The following COL15A1 variants were observed in gnomAD, a reference collection of about 807,000 sequenced individuals.
COL15A1 encodes collagen type XV alpha 1 chain.
A neutral mutation model predicts 165.9 loss-of-function variants in COL15A1; 111 were observed. The observed-to-expected ratio is 0.67, with a 90% CI of 0.57 to 0.78. The LOEUF (loss-of-function observed/expected upper bound fraction) is 0.78. Among genes scored for constraint, COL15A1 ranks in the 30% least tolerant of loss-of-function variants. The pLI is 0.00. For missense variants in COL15A1, 1,745 were observed against 1,789.7 expected (o/e 0.98, Z 0.45); for synonymous variants, 659 against 674.8 (o/e 0.98, Z 0.36).
In COL15A1 at chr9:99,024,277, G is replaced by GTTTT. The variant is rs773196929; in HGVS notation, c.1855-593_1855-590dup. On this transcript the variant is annotated intron_variant, in intron 14 of 41. Transcript: ENST00000375001. ...GGCTACACCACAAGCAGTTTTTTTTGTTTTTTTGTTTTTTTTTTTTTGAGA... is the reference window on the plus strand; with the variant it reads ...GGCTACACCACAAGCAGTTTTTTTTGTTTTTTTTTTTGTTTTTTTTTTTTTGAGA... Among the ~76,000 whole-genome samples the GTTTT allele has an allele frequency of 6.4e-3, 690 of 108,542 alleles. 50 individuals carry two copies. The highest frequency in any genetic ancestry group is 0.024 in the African/African-American group (635 of 26,988). The allele number at this position is 108,542 out of a possible 152,430, so 71.2% of individuals were successfully genotyped here.
intron 21 of COL15A1, among the ~76,000 whole-genome samples, chr9:99,036,980 G>C (rs1051345423): frequency 5.9e-5 from 9 of 152,220 alleles, no homozygotes; most frequent in African/African-American, 1.9e-4. Context: ...GGGGGTACAG[G>C]AGCCAAGAGA....
chr9:98,977,040 C>A (rs535248023), intron 2 of COL15A1, among the ~76,000 whole-genome samples: 1 of 152,226 alleles, frequency 6.6e-6, no homozygotes, highest in African/African-American at 2.4e-5. Flanking sequence ...ATGACAATTG[C>A]ATGGGAAATA....
Position 99,047,963 on chromosome 9 carries a change from T to A in COL15A1, c.2756T>A (p.Leu919His). Residue 919 changes from leucine (L) to histidine (H), a missense_variant, in exon 28 of 42, where the codon CTC becomes CAC. By Grantham distance (99) the Leu-to-His change is moderately conservative. Transcript: ENST00000375001. ...CAGGGTCGCCCAGGACTGAATGGCC[T>A]CAAGGGTACCAAAGGAGATCCAGGG... The part of the protein sequence containing the change: ...GRPGRPGLNG[L>H]KGTKGDPGVI... 2 of 1,605,864 alleles carry A rather than the reference T, an allele frequency of 1.2e-6. No individual in the cohort carries two copies. The highest frequency in any genetic ancestry group is 1.7e-6 in the Non-Finnish European group (2 of 1,174,336).
rs1230592568 is a variant in COL15A1, at chr9:99,004,806, C to T, written c.1201-92C>T. 77 of 1,461,838 alleles carry T rather than the reference C, an allele frequency of 5.3e-5. No homozygotes were observed. In the East Asian group the frequency reaches 1.7e-3, roughly 32 times the overall value. 90.6% of individuals were successfully genotyped at this position (1,461,838 alleles called of 1,614,324 possible). On this transcript the variant is annotated intron_variant, in intron 8 of 41. Transcript: ENST00000375001. ...GAAGTGAGGTCTTGGTGTGCAGGTG[C>T]TTTGAGGGGCCCTGGCCTTCTGTTC... is the stretch of plus-strand genomic sequence containing the variant.
At chr9:98,948,754 T>C (rs1165851549) in intron 2 of COL15A1, among the ~76,000 whole-genome samples, 1 of 152,208 alleles carries the variant, frequency 6.6e-6, no homozygotes, top group African/African-American at 2.4e-5. Flanking sequence ...TTTTAGAAGA[T>C]AAGGGGGCTA....
intron 2 of COL15A1, among the ~76,000 whole-genome samples, chr9:98,954,889 C>T: frequency 6.6e-6 from 1 of 152,190 alleles, no homozygotes. Context: ...TGGCCTTACT[C>T]AAAAGAGCTG....
intron 9 of COL15A1, 137 bp downstream of exon 9, chr9:99,005,187 G>A: frequency 2.1e-6 from 2 of 938,666 alleles, no homozygotes. Flanking sequence ...TCACTTGGGG[G>A]TGGAGTTTGC....
At chr9:98,991,358 C>T (rs1224225821) in intron 5 of COL15A1, among the ~76,000 whole-genome samples, 1 of 152,162 alleles carries the variant, frequency 6.6e-6, no homozygotes, top group African/African-American at 2.4e-5. Flanking sequence ...GCTGATTGGT[C>T]CATTTTGACA....
intron 5 of COL15A1, among the ~76,000 whole-genome samples, chr9:98,990,915 T>C (rs1344570446): frequency 6.6e-6 from 1 of 152,154 alleles, no homozygotes; most frequent in African/African-American, 2.4e-5. Context: ...GTTTGTTCCT[T>C]CTGATATTTG....
intron 16 of COL15A1, among the ~76,000 whole-genome samples, chr9:99,028,523 A>C (rs1839165935): frequency 6.6e-6 from 1 of 151,978 alleles, no homozygotes; most frequent in South Asian, 2.1e-4. Flanking sequence ...CAGTGGCACA[A>C]ACCTGTAATC....
chr9:99,059,618 A>G (rs905216790), intron 35 of COL15A1, among the ~76,000 whole-genome samples: 1 of 152,232 alleles, frequency 6.6e-6, no homozygotes, highest in Admixed American at 6.5e-5. Context: ...TAAAACAACC[A>G]CAAAAGGAAT....
At position 99,034,586 on chromosome 9, in the gene COL15A1, T is replaced by TAAAAAAA. The variant is rs60290557; in HGVS notation, c.2079+24_2079+30dup. On this transcript the variant is annotated splice_region_variant and intron_variant, in intron 17 of 41. Coordinates refer to ENST00000375001, the MANE Select transcript of COL15A1 (RefSeq NM_001855.5). ...CCTAATGGCTCAGTTGGTGAAAAGG[T>TAAAAAAA]AAAAAAAAAAAAAAAAAAAAAAAAA... 1.4e-4 allele frequency: 148 copies of TAAAAAAA among 1,074,736 alleles called. No homozygotes were observed. The highest frequency in any genetic ancestry group is 5.9e-4 in the Admixed American group (11 of 18,800). 66.6% of individuals were successfully genotyped at this position (1,074,736 alleles called of 1,614,324 possible). A position where few individuals can be genotyped will look rare whatever the true frequency, so the allele number is the denominator to read the frequency against.
At chr9:99,029,743 G>C (rs984566796) in intron 16 of COL15A1, among the ~76,000 whole-genome samples, 2 of 152,044 alleles carry the variant, frequency 1.3e-5, no homozygotes, top group Non-Finnish European at 2.9e-5. Context: ...GGTCAACATG[G>C]CGAAACCCCA....
intron 2 of COL15A1, among the ~76,000 whole-genome samples, chr9:98,966,482 G>A (rs773490722): frequency 6.6e-6 from 1 of 152,212 alleles, no homozygotes; most frequent in African/African-American, 2.4e-5. Flanking sequence ...ACCCGGATAG[G>A]CCATGAGCAG....
chr9:99,015,038 T>A (rs922768991), intron 9 of COL15A1, among the ~76,000 whole-genome samples: 5 of 152,198 alleles, frequency 3.3e-5, no homozygotes, highest in Admixed American at 1.3e-4. Flanking sequence ...AGCTTTTTTT[T>A]ATCTTAGTAG....
intron 2 of COL15A1, among the ~76,000 whole-genome samples, chr9:98,957,939 A>C (rs543992852): frequency 6.6e-6 from 1 of 152,026 alleles, no homozygotes; most frequent in Admixed American, 6.5e-5. Context: ...GCACCATCAC[A>C]CCTGGCTGGG....
intron 12 of COL15A1, among the ~76,000 whole-genome samples, chr9:99,021,443 A>G (rs1248124983): frequency 6.6e-6 from 1 of 152,150 alleles, no homozygotes; most frequent in Non-Finnish European, 1.5e-5. Flanking sequence ...GGATCTGGCC[A>G]TCCTGTCACC....
intron 2 of COL15A1, among the ~76,000 whole-genome samples, chr9:98,952,820 T>C (rs1837713015): frequency 6.6e-6 from 1 of 152,250 alleles, no homozygotes; most frequent in Non-Finnish European, 1.5e-5. Flanking sequence ...TATCATATAA[T>C]ATTTTTTCTT....
intron 2 of COL15A1, among the ~76,000 whole-genome samples, chr9:98,963,737 C>T (rs1405732580): frequency 2.6e-5 from 4 of 152,074 alleles, no homozygotes; most frequent in Non-Finnish European, 4.4e-5. Context: ...GTATAGGAGT[C>T]CTACCTCCTG....
Sources: allele counts gnomAD v4.1 joint callset (sites outside exome capture counted in the v4.1 genomes callset), GRCh38; gene constraint gnomAD v4.1.1; transcripts MANE v1.5; gene names NCBI Gene and HGNC (gene_info 2026-07-23, HGNC 2026-07-21).